ABCB7: variants seen among roughly 807,000 people sequenced by gnomAD.
The protein encoded by ABCB7 is iron-sulfur clusters transporter ABCB7, mitochondrial.
In ABCB7, 7 loss-of-function variants were observed where a neutral mutation model predicts 54.4. The ratio of observed to expected loss-of-function variants is 0.13; its 90% CI spans 0.07 to 0.24. ABCB7 has a LOEUF of 0.24. Ranked by LOEUF, ABCB7 falls within the 10% of genes least tolerant of loss-of-function variation. The probability of loss-of-function intolerance (pLI) is 1.00; values close to 1 mark genes in which losing one functional copy is unlikely to be tolerated. For synonymous variants in ABCB7, 218 were observed against 207.1 expected (o/e 1.05, Z -0.45); for missense variants, 356 against 570.4 (o/e 0.62, Z 3.83).
At chrX:75,097,937 C>T (rs1029085406) in intron 4 of ABCB7, among the ~76,000 whole-genome samples, 1 of 111,807 alleles carries the variant, frequency 8.9e-6, no homozygotes, top group Non-Finnish European at 1.9e-5. Context: ...TGGCAAAGCC[C>T]AAGCAGTCTG....
chrX:75,115,410 C>CTTTTTTTT lies in ABCB7; in HGVS notation c.169-587_169-580dup, dbSNP rs747398607. On this transcript the variant is annotated intron_variant, in intron 1 of 15. Transcript: ENST00000373394. The stretch of plus-strand genomic sequence containing the variant: ...TTTCTTTCTGGTTTCTGTCTCTTTT[C>CTTTTTTTT]TTTTTTTTTTTTTTTTTTTTTTTTT... 5.5e-3 allele frequency among the ~76,000 whole-genome samples: 165 copies of CTTTTTTTT among 30,083 alleles called. 4 individuals carry two copies. The highest frequency in any genetic ancestry group is 0.013 in the African/African-American group (74 of 5,548). 26.1% of individuals were successfully genotyped at this position (30,083 alleles called of 115,157 possible). A position where few individuals can be genotyped will look rare whatever the true frequency, so the allele number is the denominator to read the frequency against.
intron 3 of ABCB7, among the ~76,000 whole-genome samples, chrX:75,107,609 G>A (rs959559776): frequency 1.8e-5 from 2 of 111,886 alleles, no homozygotes; most frequent in Admixed American, 1.9e-4. Flanking sequence ...GGCCACAAGG[G>A]AATCCACGGC....
At chrX:75,155,447 C>A (rs2082166627) in intron 1 of ABCB7, among the ~76,000 whole-genome samples, 1 of 112,395 alleles carries the variant, frequency 8.9e-6, no homozygotes, top group Admixed American at 9.4e-5. Context: ...TTAGGAGGCA[C>A]TACAACCATA....
chrX:75,102,909 C>T (rs1006967443), intron 3 of ABCB7, among the ~76,000 whole-genome samples: 1 of 111,566 alleles, frequency 9.0e-6, no homozygotes, highest in Non-Finnish European at 1.9e-5. Flanking sequence ...TGATTAGTGA[C>T]GTTGAACATT....
At position 75,099,053 on chromosome X, in the gene ABCB7, A is replaced by T. The variant is rs1351735336; in HGVS notation, c.342T>A (p.Asp114Glu). The change falls in exon 4 of 16, where the codon GAT (aspartate) becomes GAA (glutamate). Residue 114 changes from aspartate to glutamate, a missense_variant. This residue lies in a region of ABCB7 where 115 missense variants were observed against 99.5 expected (regional missense o/e 1.16). Transcript: ENST00000373394. ...LHTDPKEGLK[D>E]VDTRKIIKAM... ...CTTTTATGATTTTCCGAGTATCAAC[A>T]TCTTTTAACTATTGAAAGAGAGAAA... 3.3e-6 allele frequency: 4 copies of T among 1,207,937 alleles called. No homozygotes were observed. Among genetic ancestry groups the T allele is most frequent in the South Asian group, 3.5e-5 (2 of 56,769 alleles).
At chrX:75,067,891 C>T (rs1285163643) in intron 12 of ABCB7, among the ~76,000 whole-genome samples, 5 of 111,105 alleles carry the variant, frequency 4.5e-5, no homozygotes, top group Admixed American at 3.8e-4. Flanking sequence ...CCTCCAAAAT[C>T]GTAACTGGGG....
At chrX:75,134,806 C>T (rs1463241769) in intron 1 of ABCB7, among the ~76,000 whole-genome samples, 1 of 111,535 alleles carries the variant, frequency 9.0e-6, no homozygotes, top group African/African-American at 3.3e-5. Context: ...ATACCAGAAT[C>T]TCTGAGACAC....
At chrX:75,154,931 C>A (rs2082162533) in intron 1 of ABCB7, among the ~76,000 whole-genome samples, 1 of 112,459 alleles carries the variant, frequency 8.9e-6, no homozygotes, top group Non-Finnish European at 1.9e-5. Context: ...CATCAGCCTT[C>A]CACATGCTTA....
intron 15 of ABCB7, among the ~76,000 whole-genome samples, chrX:75,055,533 A>AC (rs1411510281): frequency 1.1e-4 from 7 of 63,992 alleles, no homozygotes; most frequent in Admixed American, 5.3e-4. Context: ...ATGATGAGAC[A>AC]CCCCCCCGCC....
intron 3 of ABCB7, among the ~76,000 whole-genome samples, chrX:75,101,295 T>C (rs1255088225): frequency 9.1e-6 from 1 of 109,769 alleles, no homozygotes; most frequent in Non-Finnish European, 1.9e-5. Context: ...CTGTATTATA[T>C]AAGGTACTGT....
In ABCB7 at chrX:75,059,672, T is replaced by C. The variant is rs1268058610; in HGVS notation, c.2043+551A>G. ...CAATTTTCAAATCTACCCATCACAA[T>C]AGTGGTACTCTGATTTGTCTAGACT... On this transcript the variant is annotated intron_variant, in intron 15 of 15. Transcript: ENST00000373394. Among the ~76,000 whole-genome samples, 3 of 111,234 alleles carry C rather than the reference T, an allele frequency of 2.7e-5. No individual in the cohort carries two copies. The Admixed American group carries it at 2.9e-4, about 11-fold the overall frequency.
intron 1 of ABCB7, among the ~76,000 whole-genome samples, chrX:75,135,177 C>A (rs2082001207): frequency 9.2e-6 from 1 of 108,779 alleles, no homozygotes; most frequent in Non-Finnish European, 1.9e-5. Flanking sequence ...AAAAAAAAAC[C>A]CTCAGAGACT....
chrX:75,097,176 C>G (rs190890436), intron 4 of ABCB7, among the ~76,000 whole-genome samples: 12 of 111,937 alleles, frequency 1.1e-4, no homozygotes, highest in African/African-American at 3.9e-4. Flanking sequence ...GAGCTCTAAT[C>G]TGTCTTTCCA....
chrX:75,057,072 C>T (rs1369723899), intron 15 of ABCB7, among the ~76,000 whole-genome samples: 1 of 111,598 alleles, frequency 9.0e-6, no homozygotes, highest in Admixed American at 9.5e-5. Context: ...TTTTCCCCAT[C>T]CTTGTTGATT....
At chrX:75,075,271 T>C in intron 6 of ABCB7, 91 bp downstream of exon 6, 3 of 1,058,725 alleles carry the variant, frequency 2.8e-6, no homozygotes, top group Non-Finnish European at 3.9e-6. Flanking sequence ...TTCAAGCCCA[T>C]GGGCATGCAA....
chrX:75,089,361 G>T (rs1256474996), intron 4 of ABCB7, among the ~76,000 whole-genome samples: 1 of 110,988 alleles, frequency 9.0e-6, no homozygotes, highest in East Asian at 2.8e-4. Context: ...ACAATGTATT[G>T]GTAATTAAAG....
At chrX:75,062,561 T>C (rs1188018127) in intron 13 of ABCB7, 130 bp from the exon 14 acceptor site, 1 of 528,894 alleles carries the variant, frequency 1.9e-6, no homozygotes. Context: ...CAGTTCATTT[T>C]ACTGAGTTGT....
At chrX:75,068,465 G>A (rs2081339265) in intron 12 of ABCB7, among the ~76,000 whole-genome samples, 1 of 111,569 alleles carries the variant, frequency 9.0e-6, no homozygotes, top group Non-Finnish European at 1.9e-5. Flanking sequence ...GTTTAACATG[G>A]GTTCGGCACT....
chrX:75,133,423 A>C (rs917547427), intron 1 of ABCB7, among the ~76,000 whole-genome samples: 1 of 111,981 alleles, frequency 8.9e-6, no homozygotes. Context: ...GTATGCAAAA[A>C]TCTCCCCAAC....
Sources: gnomAD v4.1 joint callset for allele counts (sites outside exome capture counted in the v4.1 genomes callset) on GRCh38, gnomAD v4.1.1 for gene constraint, gnomAD v4.1.1 regional missense constraint, MANE v1.5 for transcripts, NCBI Gene and HGNC (gene_info 2026-07-23, HGNC 2026-07-21) for gene names.